Variants in BAIAP2 observed in about 807,000 individuals in gnomAD.
BAIAP2 encodes the protein BAR/IMD domain-containing adapter protein 2.
Under a neutral mutation model 63.0 loss-of-function variants are expected in BAIAP2, and 18 were observed. The ratio of observed to expected loss-of-function variants is 0.29; its 90% CI spans 0.20 to 0.42. The LOEUF (loss-of-function observed/expected upper bound fraction) is 0.42, where lower values mean the gene tolerates loss of function less well. BAIAP2 is among the 10% of genes least tolerant of loss of function. The pLI is 1.00. For synonymous variants in BAIAP2, 386 were observed against 307.6 expected (o/e 1.25, Z -2.67); for missense variants, 610 against 734.3 (o/e 0.83, Z 1.96).
Position 81,106,745 on chromosome 17 carries a change from C to T in BAIAP2, c.1338C>T (p.Ser446=), listed in dbSNP as rs2059231523. ...DSDGSDRLHM[S]LQQGKSSSTG... is the part of the protein sequence containing the mutation. The stretch of plus-strand genomic sequence containing the variant: ...CGCCTCTGAGTCCCTGTCCCTACAG[C>T]CTGCAGCAAGGGAAGAGCAGCAGCA... The change falls in exon 12 of 14, where the codon AGC becomes AGT. Residue 446 remains serine (S), a splice_region_variant and synonymous_variant. Coordinates refer to ENST00000428708, the MANE Select transcript of BAIAP2 (RefSeq NM_001144888.2). 1.2e-6 allele frequency: 2 copies of T among 1,612,478 alleles called. No homozygotes were observed. Among genetic ancestry groups the T allele is most frequent in the Admixed American group, 1.7e-5 (1 of 59,990 alleles).
chr17:81,052,055 C>T (rs1037659631), intron 1 of BAIAP2, among the ~76,000 whole-genome samples: 4 of 152,194 alleles, frequency 2.6e-5, no homozygotes, highest in Non-Finnish European at 4.4e-5. Context: ...TTCATGCAGC[C>T]GGGCCTCAGG....
chr17:81,092,674 A>AG lies in BAIAP2; in HGVS notation c.489+6098dup, dbSNP rs748923788. On this transcript the variant is annotated intron_variant, in intron 6 of 13. Coordinates refer to ENST00000428708, the MANE Select transcript of BAIAP2 (RefSeq NM_001144888.2). Reference sequence around the variant, plus strand: ...AACTAGGACGGGAGAGCTTTACGTAAGGGGCCCGGCCCGGAGCACCGCCCT... The same window carrying AG: ...AACTAGGACGGGAGAGCTTTACGTAAGGGGGCCCGGCCCGGAGCACCGCCCT... Among the ~76,000 whole-genome samples the AG allele has an allele frequency of 1.7e-4, 26 of 152,322 alleles. No homozygotes were observed. In the Middle Eastern group the frequency reaches 0.01, roughly 60 times the overall value.
At chr17:81,055,576 T>TTTTTTTTTTTTTTTGTTTTTTG (rs2049386367) in intron 2 of BAIAP2, among the ~76,000 whole-genome samples, 1 of 144,150 alleles carries the variant, frequency 6.9e-6, no homozygotes, top group South Asian at 2.3e-4. Context: ...GGTGTTTTGT[T>TTTTTTTTTTTTTTTGTTTTTTG]TTTTTTTGAG....
Position 81,044,035 on chromosome 17 carries a change from C to T in BAIAP2, c.54+8727C>T, listed in dbSNP as rs147561147. ...TCAGTGGTCCAGAGCAGGAAAGCCC[C>T]GCCCCGAAGCTGCTTGCCACTGTCT... On this transcript the variant is annotated intron_variant, in intron 1 of 13. Transcript: ENST00000428708. 8.1e-4 allele frequency among the ~76,000 whole-genome samples: 123 copies of T among 152,360 alleles called. 2 individuals are homozygous for T. The East Asian group carries it at 0.02, about 25-fold the overall frequency.
At chr17:81,105,995 G>A in intron 10 of BAIAP2, 83 bp from the exon 11 acceptor site, 1 of 1,246,294 alleles carries the variant, frequency 8.0e-7, no homozygotes, top group Admixed American at 2.0e-5. Context: ...GGGAGCTAGA[G>A]GGACTTGTGC....
intron 1 of BAIAP2, among the ~76,000 whole-genome samples, chr17:81,050,970 G>A (rs1014677097): frequency 1.3e-5 from 2 of 151,840 alleles, no homozygotes; most frequent in Non-Finnish European, 2.9e-5. Context: ...AGGCTGCCGA[G>A]AGCGCACCAG....
Position 81,035,153 on chromosome 17 carries a change from G to A in BAIAP2, c.-102G>A, listed in dbSNP as rs1377650021. 27 of 941,080 alleles carry A rather than the reference G, an allele frequency of 2.9e-5. No homozygotes were observed. The highest frequency in any genetic ancestry group is 6.8e-5 in the South Asian group (3 of 44,118). The allele number at this position is 941,080 out of a possible 1,614,324, so 58.3% of individuals were successfully genotyped here. On this transcript the variant is annotated 5_prime_UTR_variant, in exon 1 of 14. Transcript: ENST00000428708. ...GCCGCCGCCGGACGCCGGGCTCTGTGGTTCGGGTCCGCTTTCGTCTCCGTC... is the reference window on the plus strand; with the variant it reads ...GCCGCCGCCGGACGCCGGGCTCTGTAGTTCGGGTCCGCTTTCGTCTCCGTC...
chr17:81,104,995 C>T (rs117564572), intron 10 of BAIAP2: 6,668 of 366,062 alleles, frequency 0.018, 95 homozygotes, highest in Non-Finnish European at 0.024. Flanking sequence ...CTCCCCCCAA[C>T]GGCAGGGATC....
intron 6 of BAIAP2, among the ~76,000 whole-genome samples, chr17:81,093,861 C>T (rs2057212307): frequency 6.6e-6 from 1 of 152,176 alleles, no homozygotes; most frequent in Non-Finnish European, 1.5e-5. Flanking sequence ...AGTCTGGCGA[C>T]GTGCGGGGGG....
At chr17:81,041,173 G>A (rs2047022254) in intron 1 of BAIAP2, among the ~76,000 whole-genome samples, 1 of 152,238 alleles carries the variant, frequency 6.6e-6, no homozygotes, top group African/African-American at 2.4e-5. Flanking sequence ...TGGTCCTTGG[G>A]CTTCCTGCCA....
chr17:81,080,373 C>T (rs1015979825), intron 3 of BAIAP2, among the ~76,000 whole-genome samples: 1 of 152,238 alleles, frequency 6.6e-6, no homozygotes, highest in Non-Finnish European at 1.5e-5. Context: ...AGCCGCCGCT[C>T]GAAGCTCAGG....
chr17:81,051,962 T>G (rs1456076630), intron 1 of BAIAP2, among the ~76,000 whole-genome samples: 1 of 152,224 alleles, frequency 6.6e-6, no homozygotes, highest in Non-Finnish European at 1.5e-5. Context: ...AATGCTGGGA[T>G]TATACGTGCG....
intron 6 of BAIAP2, among the ~76,000 whole-genome samples, chr17:81,096,509 C>T (rs1200980859): frequency 2.6e-5 from 4 of 152,254 alleles, no homozygotes; most frequent in African/African-American, 9.6e-5. Context: ...CGGGGCAGGA[C>T]CCTGCAGGCG....
chr17:81,108,796 C>T, intron 13 of BAIAP2: 1 of 1,124,448 alleles, frequency 8.9e-7, no homozygotes, highest in Non-Finnish European at 1.2e-6. Context: ...ATGGCTGGGG[C>T]TGCAGCCTCC....
chr17:81,065,256 C>T (rs577301514), intron 3 of BAIAP2, among the ~76,000 whole-genome samples: 5 of 152,326 alleles, frequency 3.3e-5, no homozygotes, highest in Non-Finnish European at 5.9e-5. Flanking sequence ...GCAGGTGACC[C>T]GAGGGAGGGC....
chr17:81,116,348 A>C lies in BAIAP2; in HGVS notation c.*509A>C. 6.2e-7 allele frequency: 1 copy of C among 1,609,444 alleles called. No individual in the cohort carries two copies. Among genetic ancestry groups the C allele is most frequent in the Admixed American group, 1.7e-5 (1 of 59,808 alleles). On this transcript the variant is annotated 3_prime_UTR_variant, in exon 14 of 14. Transcript: ENST00000428708. ...AATTCCCTGCAGGTCCGGCAGCTAC[A>C]CCTGGAGTGTGGGGCCTGGTCCCTC...
At chr17:81,109,943 C>T (rs1352344111) in intron 13 of BAIAP2, 5 of 985,268 alleles carry the variant, frequency 5.1e-6, no homozygotes, top group African/African-American at 1.7e-5. Context: ...CACCCACGCC[C>T]CCCACCTGGG....
chr17:81,077,236 G>A (rs947791396), intron 3 of BAIAP2, among the ~76,000 whole-genome samples: 23 of 152,170 alleles, frequency 1.5e-4, no homozygotes, highest in African/African-American at 5.6e-4. Flanking sequence ...TGCTGACGAT[G>A]CCACAGTTGT....
At chr17:81,114,136 A>C (rs1396309195) in intron 13 of BAIAP2, among the ~76,000 whole-genome samples, 1 of 124,664 alleles carries the variant, frequency 8.0e-6, no homozygotes, top group Non-Finnish European at 1.6e-5. Flanking sequence ...CACCTGCCTA[A>C]TTTTTTTTTT....
Sources: allele counts gnomAD v4.1 joint callset (sites outside exome capture counted in the v4.1 genomes callset), GRCh38; gene constraint gnomAD v4.1.1; transcripts MANE v1.5; gene names NCBI Gene and HGNC (gene_info 2026-07-23, HGNC 2026-07-21).